The following NPM1 variants were observed in gnomAD, a reference collection of about 807,000 sequenced individuals.
The protein encoded by NPM1 is nucleophosmin 1, also known as nucleophosmin.
In NPM1, 1 loss-of-function variant was observed where a neutral mutation model predicts 44.1. The observed-to-expected ratio is 0.02, with a 90% CI of 0.01 to 0.11. The LOEUF is 0.11. Among genes scored for constraint, NPM1 ranks in the 10% least tolerant of loss-of-function variants. NPM1 has a pLI of 1.00. For synonymous variants in NPM1, 126 were observed against 111.8 expected (o/e 1.13, Z -0.80); for missense variants, 197 against 347.8 (o/e 0.57, Z 3.45).
Position 171,387,923 on chromosome 5 carries a change from C to T in NPM1, c.-26C>T, listed in dbSNP as rs1318865938. ...TCTTTTATCTCCGTCCGCCTTCTCTCCTACCTAAGTGCGTGCCGCCACCCG... is the reference window on the plus strand; with the variant it reads ...TCTTTTATCTCCGTCCGCCTTCTCTTCTACCTAAGTGCGTGCCGCCACCCG... On this transcript the variant is annotated 5_prime_UTR_variant, in exon 1 of 11. Coordinates refer to ENST00000296930, the MANE Select transcript of NPM1 (RefSeq NM_002520.7). 1.9e-6 allele frequency: 3 copies of T among 1,608,198 alleles called. No homozygotes were observed. Among genetic ancestry groups the T allele is most frequent in the South Asian group, 1.1e-5 (1 of 90,904 alleles).
intron 6 of NPM1, among the ~76,000 whole-genome samples, chr5:171,393,402 A>G (rs867375963): frequency 1.1e-4 from 17 of 152,222 alleles, no homozygotes; most frequent in Admixed American, 8.5e-4. Flanking sequence ...TATTCCCTAA[A>G]AGGATTTTGT....
chr5:171,394,227 A>G (rs956006547), intron 6 of NPM1, among the ~76,000 whole-genome samples: 2 of 151,654 alleles, frequency 1.3e-5, no homozygotes, highest in Non-Finnish European at 2.9e-5. Flanking sequence ...TTTAGTAGAG[A>G]CAGGGTTTCA....
At chr5:171,407,869 A>C in intron 10 of NPM1, 95 bp downstream of exon 10, 1 of 728,014 alleles carries the variant, frequency 1.4e-6, no homozygotes, top group Non-Finnish European at 2.4e-6. Context: ...GCTCTTTTTA[A>C]AAAGTTCCTA....
rs758672403 is a variant in NPM1 at position 171,407,723 on chromosome 5, A to G, written c.795A>G (p.Glu265=). ...IEKGGSLPKV[E]AKFINYVKNC... Reference sequence around the variant, plus strand: ...AGGGTGGTTCTCTTCCCAAAGTGGAAGCCAAATTCATCAATTATGTGAAGA... The same window carrying G: ...AGGGTGGTTCTCTTCCCAAAGTGGAGGCCAAATTCATCAATTATGTGAAGA... The change falls in exon 10 of 11, where the codon GAA becomes GAG. Residue 265 remains glutamate, a synonymous_variant. Coordinates refer to ENST00000296930, the MANE Select transcript of NPM1 (RefSeq NM_002520.7). 6 of 1,610,536 alleles carry G rather than the reference A, an allele frequency of 3.7e-6. No homozygotes were observed. The highest frequency in any genetic ancestry group is 5.1e-6 in the Non-Finnish European group (6 of 1,176,972).
chr5:171,388,603 AG>A lies in NPM1; in HGVS notation c.58+603del, dbSNP rs569901780. ...TGGTTGCCACGTGGTTGGGGGAGGGAGGGGGGTGTGGGCGCTACATCCGGGA... is the reference window on the plus strand; with the variant it reads ...TGGTTGCCACGTGGTTGGGGGAGGGAGGGGGTGTGGGCGCTACATCCGGGA... On this transcript the variant is annotated intron_variant, in intron 1 of 10. Coordinates refer to ENST00000296930, the MANE Select transcript of NPM1 (RefSeq NM_002520.7). 1.5e-3 allele frequency among the ~76,000 whole-genome samples: 21 copies of A among 13,958 alleles called. No individual in the cohort carries two copies. In the South Asian group the frequency reaches 0.026, roughly 17 times the overall value. 9.2% of individuals were successfully genotyped at this position (13,958 alleles called of 152,430 possible).
intron 2 of NPM1, 70 bp downstream of exon 2, chr5:171,390,200 C>T: frequency 1.1e-6 from 1 of 889,112 alleles, no homozygotes; most frequent in Non-Finnish European, 1.7e-6. Context: ...ATTCATGTGG[C>T]TTGAGACTTT....
intron 6 of NPM1, 59 bp from the exon 7 acceptor site, chr5:171,400,094 A>G (rs1771112630): frequency 1.0e-6 from 1 of 969,316 alleles, no homozygotes; most frequent in African/African-American, 1.6e-5. Context: ...CCTGCTTTCA[A>G]TTCTTGTGTC....
intron 10 of NPM1, among the ~76,000 whole-genome samples, chr5:171,409,565 T>C (rs1024038258): frequency 6.6e-6 from 1 of 152,162 alleles, no homozygotes. Flanking sequence ...TTCTATGATA[T>C]TTAATATTGG....
chr5:171,407,639 T>TA (rs575621239), intron 9 of NPM1, 61 bp from the exon 10 acceptor site: 636 of 951,716 alleles, frequency 6.7e-4, no homozygotes, highest in Non-Finnish European at 8.5e-4. Flanking sequence ...AGGAATTTTC[T>TA]AAAGGTATCT....
intron 6 of NPM1, among the ~76,000 whole-genome samples, chr5:171,395,665 G>C (rs1770843577): frequency 6.6e-6 from 1 of 152,220 alleles, no homozygotes; most frequent in Non-Finnish European, 1.5e-5. Flanking sequence ...TCAGTGGTGA[G>C]ATGGCAAGGG....
intron 6 of NPM1, among the ~76,000 whole-genome samples, chr5:171,399,100 C>T (rs561997782): frequency 3.3e-5 from 5 of 152,314 alleles, no homozygotes; most frequent in African/African-American, 9.6e-5. Flanking sequence ...CTGGCCGTCT[C>T]GGCCTCCTAA....
chr5:171,391,554 T>G, intron 3 of NPM1, 130 bp downstream of exon 3: 14 of 1,275,008 alleles, frequency 1.1e-5, no homozygotes, highest in Non-Finnish European at 1.6e-5. Context: ...AGTTCGATGG[T>G]CAACTCTTGA....
At chr5:171,401,020 C>G in intron 8 of NPM1, 95 bp downstream of exon 8, 1 of 834,358 alleles carries the variant, frequency 1.2e-6, no homozygotes, top group East Asian at 2.5e-5. Flanking sequence ...TTTGATAGGC[C>G]TTTATAGAAC....
At chr5:171,404,717 C>G (rs1364101267) in intron 8 of NPM1, among the ~76,000 whole-genome samples, 2 of 144,866 alleles carry the variant, frequency 1.4e-5, no homozygotes, top group East Asian at 4.1e-4. Flanking sequence ...AGACACTCCT[C>G]ACTTCCCAGA....
intron 8 of NPM1, among the ~76,000 whole-genome samples, chr5:171,404,341 G>A: frequency 1.2e-5 from 1 of 84,496 alleles, no homozygotes; most frequent in African/African-American, 4.9e-5. Context: ...TTCTCAGACG[G>A]GGCAGCTGCC....
At chr5:171,406,639 T>C (rs1470580568) in intron 9 of NPM1, 55 of 1,322,860 alleles carry the variant, frequency 4.2e-5, no homozygotes, top group Non-Finnish European at 4.9e-5. Context: ...CCCTTTGCTT[T>C]CTATTACTTG....
Position 171,391,050 on chromosome 5 carries a change from G to A in NPM1, c.139-255G>A. The stretch of plus-strand genomic sequence containing the variant: ...TCCTATGCTTAGATGCACAAATACT[G>A]TGTTTCGGTTGCTTACAGTATTCAG... On this transcript the variant is annotated intron_variant, in intron 2 of 10. Coordinates refer to ENST00000296930, the MANE Select transcript of NPM1 (RefSeq NM_002520.7). The A allele has an allele frequency of 3.2e-5, 10 of 311,722 alleles. No individual in the cohort carries two copies. The South Asian group carries it at 7.4e-4, about 23-fold the overall frequency. 19.3% of individuals were successfully genotyped at this position (311,722 alleles called of 1,614,324 possible). A position where few individuals can be genotyped will look rare whatever the true frequency, so the allele number is the denominator to read the frequency against.
intron 9 of NPM1, chr5:171,406,260 T>A (rs919942386): frequency 1.3e-6 from 1 of 759,484 alleles, no homozygotes; most frequent in Non-Finnish European, 2.3e-6. Flanking sequence ...ACATATTTCT[T>A]TTAGTCACAC....
At chr5:171,396,015 T>TG (rs1770865571) in intron 6 of NPM1, among the ~76,000 whole-genome samples, 2 of 151,718 alleles carry the variant, frequency 1.3e-5, no homozygotes, top group Non-Finnish European at 2.9e-5. Context: ...TGAAGTGCAT[T>TG]GTTGGCTAGG....
Sources: allele counts gnomAD v4.1 joint callset (sites outside exome capture counted in the v4.1 genomes callset), GRCh38; gene constraint gnomAD v4.1.1; transcripts MANE v1.5; gene names NCBI Gene and HGNC (gene_info 2026-07-23, HGNC 2026-07-21).